The following EIF4E variants were observed in gnomAD, a reference collection of about 807,000 sequenced individuals.
The protein encoded by EIF4E is eukaryotic translation initiation factor 4E.
For missense variants in EIF4E, 113 were observed against 265.6 expected (o/e 0.43, Z 3.99); for synonymous variants, 71 against 88.5 (o/e 0.80, Z 1.11).
At chr4:98,915,438 T>C (rs1452953457) in intron 1 of EIF4E, among the ~76,000 whole-genome samples, 2 of 152,176 alleles carry the variant, frequency 1.3e-5, no homozygotes, top group Non-Finnish European at 2.9e-5. Context: ...AAAGTTATAT[T>C]AAAGCCCAAA....
rs1723609974 is a variant in EIF4E, at chr4:98,879,971, A to G, written c.*1057T>C. 6.6e-6 allele frequency: 1 copy of G among 152,474 alleles called. No individual in the cohort carries two copies. Among genetic ancestry groups the G allele is most frequent in the Non-Finnish European group, 1.5e-5 (1 of 68,004 alleles). The allele number at this position is 152,474 out of a possible 1,614,324, so 9.4% of individuals were successfully genotyped here. ...TGCTGTTCACATGGAAGACACCACAAAAGAAGACATAATATAGAGACTGCC... is the reference window on the plus strand; with the variant it reads ...TGCTGTTCACATGGAAGACACCACAGAAGAAGACATAATATAGAGACTGCC... On this transcript the variant is annotated 3_prime_UTR_variant, in exon 7 of 7. Transcript: ENST00000450253.
At chr4:98,895,008 G>A (rs72692635) in intron 2 of EIF4E, 20,208 of 151,430 alleles carry the variant, frequency 0.13, 5 homozygotes, top group Non-Finnish European at 0.2. Context: ...CAAGAAGATG[G>A]GAATGGCCAG....
intron 2 of EIF4E, among the ~76,000 whole-genome samples, chr4:98,897,774 T>G (rs543406154): frequency 6.6e-6 from 1 of 152,340 alleles, no homozygotes; most frequent in East Asian, 1.9e-4. Context: ...TTAGAAAGAT[T>G]TCATCTGCCA....
chr4:98,915,599 G>A (rs1402536147), intron 1 of EIF4E, among the ~76,000 whole-genome samples: 1 of 149,898 alleles, frequency 6.7e-6, no homozygotes, highest in African/African-American at 2.5e-5. Flanking sequence ...GAAGTGCAAT[G>A]GCGTGATCTT....
At chr4:98,924,054 A>G (rs1725767125) in intron 1 of EIF4E, among the ~76,000 whole-genome samples, 1 of 151,930 alleles carries the variant, frequency 6.6e-6, no homozygotes, top group Non-Finnish European at 1.5e-5. Context: ...CACCGGTACT[A>G]ATAGATTAAG....
At position 98,879,471 on chromosome 4, in the gene EIF4E, T is replaced by C. The variant is rs1723583053; in HGVS notation, c.*1557A>G. 1 of 152,194 alleles carries C rather than the reference T, an allele frequency of 6.6e-6. No individual in the cohort carries two copies. The highest frequency in any genetic ancestry group is 2.1e-4 in the South Asian group (1 of 4,824). The allele number at this position is 152,194 out of a possible 1,614,324, so 9.4% of individuals were successfully genotyped here. A position where few individuals can be genotyped will look rare whatever the true frequency, so the allele number is the denominator to read the frequency against. ...CACAGGACTATACAAGTATGTACTATGTACAAAACATTTTCAAGTTTGCTT... is the reference window on the plus strand; with the variant it reads ...CACAGGACTATACAAGTATGTACTACGTACAAAACATTTTCAAGTTTGCTT... On this transcript the variant is annotated 3_prime_UTR_variant, in exon 7 of 7. Transcript: ENST00000450253.
At chr4:98,916,060 G>A (rs1725366339) in intron 1 of EIF4E, among the ~76,000 whole-genome samples, 1 of 151,380 alleles carries the variant, frequency 6.6e-6, no homozygotes, top group African/African-American at 2.4e-5. Context: ...GCATGGTGGT[G>A]GGCACCTGTA....
At chr4:98,928,140 G>A (rs1392601568) in intron 1 of EIF4E, among the ~76,000 whole-genome samples, 1 of 152,180 alleles carries the variant, frequency 6.6e-6, no homozygotes. Flanking sequence ...AAGAACAGAG[G>A]GATTGAGACC....
intron 1 of EIF4E, among the ~76,000 whole-genome samples, chr4:98,921,369 T>C (rs1169788612): frequency 4.6e-5 from 7 of 150,716 alleles, no homozygotes; most frequent in Non-Finnish European, 1.0e-4. Context: ...ATATCAAAAT[T>C]AGTTACAATA....
chr4:98,905,792 C>T lies in EIF4E; in HGVS notation c.19-3810G>A, dbSNP rs140159762. Reference sequence around the variant, plus strand: ...CATAGCAACAAGAGAAAGTTGAAAGCGAAGAAAAAAAGCAAGCAAGGGTGA... The same window carrying T: ...CATAGCAACAAGAGAAAGTTGAAAGTGAAGAAAAAAAGCAAGCAAGGGTGA... On this transcript the variant is annotated intron_variant, in intron 1 of 6. Coordinates refer to ENST00000450253, the MANE Select transcript of EIF4E (RefSeq NM_001968.5). Among the ~76,000 whole-genome samples the T allele has an allele frequency of 5.3e-3, 803 of 151,854 alleles. 3 individuals carry two copies. Among genetic ancestry groups the T allele is most frequent in the South Asian group, 8.3e-3 (40 of 4,814 alleles).
At chr4:98,896,013 C>A (rs945492516) in intron 2 of EIF4E, among the ~76,000 whole-genome samples, 3 of 135,776 alleles carry the variant, frequency 2.2e-5, no homozygotes, top group Non-Finnish European at 5.2e-5. Flanking sequence ...CTGGCCAACA[C>A]GGTGAAACCC....
intron 1 of EIF4E, among the ~76,000 whole-genome samples, chr4:98,914,332 C>T (rs557370784): frequency 3.8e-5 from 5 of 131,648 alleles, no homozygotes; most frequent in Non-Finnish European, 4.6e-5. Flanking sequence ...CACTGCACTC[C>T]AGCCTGGCAA....
At chr4:98,882,259 G>A (rs1191401059) in intron 6 of EIF4E, among the ~76,000 whole-genome samples, 1 of 152,050 alleles carries the variant, frequency 6.6e-6, no homozygotes, top group Non-Finnish European at 1.5e-5. Flanking sequence ...GGGTGTGGTG[G>A]CAGGTGCCTG....
intron 6 of EIF4E, among the ~76,000 whole-genome samples, chr4:98,884,511 C>G (rs35619083): frequency 0.19 from 28,987 of 152,102 alleles, 3,676 homozygotes; most frequent in Non-Finnish European, 0.28. Context: ...AAAGACCAGC[C>G]TGGCCAACGT....
chr4:98,918,593 G>C (rs1242942998), intron 1 of EIF4E, among the ~76,000 whole-genome samples: 1 of 151,986 alleles, frequency 6.6e-6, no homozygotes, highest in Non-Finnish European at 1.5e-5. Context: ...ATTATCTCGT[G>C]TATGGAATGA....
At chr4:98,915,529 A>G (rs887938805) in intron 1 of EIF4E, among the ~76,000 whole-genome samples, 3 of 151,644 alleles carry the variant, frequency 2.0e-5, no homozygotes, top group African/African-American at 7.3e-5. Flanking sequence ...AGCCAATATC[A>G]TATTTTTGTA....
intron 1 of EIF4E, chr4:98,910,073 A>G (rs1725050362): frequency 3.8e-6 from 1 of 266,030 alleles, no homozygotes. Context: ...AAACTGCCTC[A>G]GGCTATTAAA....
intron 2 of EIF4E, among the ~76,000 whole-genome samples, chr4:98,898,326 C>T (rs773463631): frequency 1.3e-5 from 2 of 152,084 alleles, no homozygotes; most frequent in Admixed American, 6.6e-5. Flanking sequence ...GGCAAAAATG[C>T]GGCCAGGTGC....
intron 1 of EIF4E, among the ~76,000 whole-genome samples, chr4:98,904,767 G>A (rs1277926672): frequency 6.6e-6 from 1 of 152,104 alleles, no homozygotes; most frequent in Non-Finnish European, 1.5e-5. Context: ...GCAAAACTCA[G>A]TCTCAAAACA....
Sources: allele counts gnomAD v4.1 joint callset (sites outside exome capture counted in the v4.1 genomes callset), GRCh38; gene constraint gnomAD v4.1.1; transcripts MANE v1.5; gene names NCBI Gene and HGNC (gene_info 2026-07-23, HGNC 2026-07-21).